The following IQCH variants were observed in gnomAD, a reference collection of about 807,000 sequenced individuals.
IQCH encodes the protein IQ domain-containing protein H.
Under a neutral mutation model 117.0 loss-of-function variants are expected in IQCH, and 98 were observed. The observed-to-expected ratio is 0.84, with a 90% CI of 0.71 to 0.99. The LOEUF (loss-of-function observed/expected upper bound fraction) is 0.99. IQCH is among the 50% of genes least tolerant of loss of function. IQCH has a pLI of 0.00. For missense variants in IQCH, 1,102 were observed against 1,243.8 expected, an observed-to-expected ratio of 0.89 and a Z score of 1.72; for synonymous variants, 412 against 448.2, an observed-to-expected ratio of 0.92 and a Z score of 1.02.
rs1217288300 is a variant in IQCH at position 67,364,867 on chromosome 15, T to C, written c.753+4982T>C. On this transcript the variant is annotated intron_variant, in intron 8 of 20. Coordinates refer to ENST00000335894, the MANE Select transcript of IQCH (RefSeq NM_001031715.3). This position sits in a 1 kb window ranked among gnomAD's most constrained non-coding sequence, Gnocchi z 4.1. ...ATTTTTAGTGGCTTTATAATATCTT[T>C]ATTAAAGATATACCATAATTTTCAT... is the stretch of plus-strand genomic sequence containing the variant. Among the ~76,000 whole-genome samples the C allele has an allele frequency of 1.3e-5, 2 of 152,242 alleles. No homozygotes were observed. The highest frequency in any genetic ancestry group is 2.9e-5 in the Non-Finnish European group (2 of 68,042).
At chr15:67,446,703 G>A (rs933520937) in intron 16 of IQCH, among the ~76,000 whole-genome samples, 4 of 151,870 alleles carry the variant, frequency 2.6e-5, no homozygotes, top group African/African-American at 9.7e-5. Context: ...CTCCACCCAC[G>A]TTTCTGGAAA....
Position 67,357,364 on chromosome 15 carries a change from G to T in IQCH, c.657G>T (p.Arg219=). The stretch of plus-strand genomic sequence containing the variant: ...CCACAGCCACTTTCACTATACCTCG[G>T]GAACCACCTCCATCTCCAGCAGAAG... ...IPTVATFTIP[R]EPPPSPAEVK... is the part of the protein sequence containing the mutation. Residue 219 remains arginine, a synonymous_variant, in exon 7 of 21, where the codon CGG becomes CGT. Coordinates refer to ENST00000335894, the MANE Select transcript of IQCH (RefSeq NM_001031715.3). The T allele has an allele frequency of 6.2e-7, 1 of 1,610,406 alleles. No individual in the cohort carries two copies. The highest frequency in any genetic ancestry group is 1.1e-5 in the South Asian group (1 of 91,006).
At chr15:67,379,962 C>T (rs1297791943) in intron 10 of IQCH, among the ~76,000 whole-genome samples, 2 of 152,156 alleles carry the variant, frequency 1.3e-5, no homozygotes, top group Non-Finnish European at 2.9e-5. Context: ...AAGCAATTCT[C>T]CTGCCTCAGC....
chr15:67,400,932 T>C (rs150955094), intron 14 of IQCH, among the ~76,000 whole-genome samples: 17 of 152,320 alleles, frequency 1.1e-4, no homozygotes, highest in African/African-American at 4.1e-4. Context: ...AAGTGGTTCT[T>C]GATCATGTGC....
chr15:67,265,271 C>T (rs1317665886), intron 3 of IQCH, among the ~76,000 whole-genome samples: 2 of 152,244 alleles, frequency 1.3e-5, no homozygotes, highest in Non-Finnish European at 2.9e-5. Context: ...TTACACAGTT[C>T]TCTTTTGCCA....
At chr15:67,397,708 T>C (rs1481016200) in intron 13 of IQCH, among the ~76,000 whole-genome samples, 1 of 152,228 alleles carries the variant, frequency 6.6e-6, no homozygotes, top group Non-Finnish European at 1.5e-5. Context: ...GCAGTATTTT[T>C]CTGCTCTTTA....
intron 15 of IQCH, among the ~76,000 whole-genome samples, chr15:67,418,309 A>T (rs895952669): frequency 2.0e-5 from 3 of 152,222 alleles, no homozygotes; most frequent in Non-Finnish European, 4.4e-5. Flanking sequence ...CCTGATAATG[A>T]ATTATTTAAG....
intron 2 of IQCH, among the ~76,000 whole-genome samples, chr15:67,262,128 C>G (rs192713335): frequency 6.6e-6 from 1 of 152,192 alleles, no homozygotes. Flanking sequence ...TTGACTTTCC[C>G]CTAATAGCCT....
chr15:67,480,403 T>C (rs550103243), intron 18 of IQCH, among the ~76,000 whole-genome samples: 1 of 152,152 alleles, frequency 6.6e-6, no homozygotes, highest in Non-Finnish European at 1.5e-5. Flanking sequence ...TTAGAAATCA[T>C]GGAAACACAT....
At chr15:67,448,768 G>T (rs2082450177) in intron 16 of IQCH, among the ~76,000 whole-genome samples, 1 of 152,090 alleles carries the variant, frequency 6.6e-6, no homozygotes, top group South Asian at 2.1e-4. Context: ...GGGTCAAATG[G>T]TATTTCTAGT....
chr15:67,272,616 C>T lies in IQCH; in HGVS notation c.270-6779C>T, dbSNP rs185849648. On this transcript the variant is annotated intron_variant, in intron 3 of 20. Coordinates refer to ENST00000335894, the MANE Select transcript of IQCH (RefSeq NM_001031715.3). ...TATATACTTGGGTGCTCCAATGTTG[C>T]GTGCATAGACACTTACACTTGTTCT... is the stretch of plus-strand genomic sequence containing the variant. 1.6e-4 allele frequency among the ~76,000 whole-genome samples: 24 copies of T among 152,282 alleles called. No individual in the cohort carries two copies. The East Asian group carries it at 3.3e-3, about 21-fold the overall frequency.
In IQCH at chr15:67,427,728, T is replaced by C. The variant is rs2081925740; in HGVS notation, c.2505+6151T>C. Among the ~76,000 whole-genome samples the C allele has an allele frequency of 6.6e-6, 1 of 152,168 alleles. No individual in the cohort carries two copies. The highest frequency in any genetic ancestry group is 2.4e-5 in the African/African-American group (1 of 41,442). On this transcript the variant is annotated intron_variant, in intron 16 of 20. Transcript: ENST00000335894. The surrounding 1 kb of genome is among the most constrained non-coding windows in gnomAD (Gnocchi z 4.7). ...TAATAATCATCCACTTTAAAAAAAT[T>C]ATCACCAGGAAATAATCACAAAGAT...
At chr15:67,270,059 A>G (rs1965839927) in intron 3 of IQCH, among the ~76,000 whole-genome samples, 1 of 152,190 alleles carries the variant, frequency 6.6e-6, no homozygotes, top group Non-Finnish European at 1.5e-5. Flanking sequence ...AGGCACCTCC[A>G]TACTGTTTTC....
chr15:67,417,044 C>CA lies in IQCH; in HGVS notation c.2212dup (p.Ser738LysfsTer42), dbSNP rs757651140. 6.2e-7 allele frequency: 1 copy of CA among 1,607,418 alleles called. No individual in the cohort carries two copies. ...GGAGGAAATTCCTCCAAACATTTCT[C>CA]AGTCAAGGTAAATAAGACTGTAAAG... is the stretch of plus-strand genomic sequence containing the variant. On this transcript the variant is annotated frameshift_variant, in exon 15 of 21. Coordinates refer to ENST00000335894, the MANE Select transcript of IQCH (RefSeq NM_001031715.3). LOFTEE classifies it high-confidence loss of function. The surrounding 1 kb of genome is among the most constrained non-coding windows in gnomAD (Gnocchi z 4.3).
chr15:67,437,170 C>G (rs986766057), intron 16 of IQCH, among the ~76,000 whole-genome samples: 6 of 152,200 alleles, frequency 3.9e-5, no homozygotes, highest in African/African-American at 1.4e-4. Context: ...CCACCTCCAT[C>G]AGAACAGGCA....
chr15:67,323,238 CAT>C (rs1491524980), intron 4 of IQCH, among the ~76,000 whole-genome samples: 5 of 114,940 alleles, frequency 4.4e-5, no homozygotes, highest in Non-Finnish European at 6.9e-5. Context: ...CTTAGGGTTA[CAT>C]TTTTTTTTTT....
Position 67,479,125 on chromosome 15 carries a change from A to T in IQCH, c.2799+3307A>T, listed in dbSNP as rs1240049676. On this transcript the variant is annotated intron_variant, in intron 18 of 20. Transcript: ENST00000335894. The surrounding 1 kb of genome is among the most constrained non-coding windows in gnomAD (Gnocchi z 4.6). ...TGCTGTCTTAATTGCCTTTTCTTGGATGGGAGGTTGGTAAGTGGTGAACCA... is the reference window on the plus strand; with the variant it reads ...TGCTGTCTTAATTGCCTTTTCTTGGTTGGGAGGTTGGTAAGTGGTGAACCA... Among the ~76,000 whole-genome samples, 2 of 151,964 alleles carry T rather than the reference A, an allele frequency of 1.3e-5. No homozygotes were observed. The highest frequency in any genetic ancestry group is 2.4e-5 in the African/African-American group (1 of 41,340).
At chr15:67,348,211 C>T (rs1315792905) in intron 6 of IQCH, among the ~76,000 whole-genome samples, 2 of 152,154 alleles carry the variant, frequency 1.3e-5, no homozygotes, top group Non-Finnish European at 2.9e-5. Context: ...TGTGCACTCT[C>T]ACCACTTCTA....
Position 67,421,332 on chromosome 15 carries a change from A to C in IQCH, c.2260A>C (p.Asn754His), listed in dbSNP as rs367833219. 87 of 1,614,060 alleles carry C rather than the reference A, an allele frequency of 5.4e-5. No individual in the cohort carries two copies. Among genetic ancestry groups the C allele is most frequent in the Non-Finnish European group, 7.2e-5 (85 of 1,180,028 alleles). ...ATTCCCACCTGCAGACAATGTCACC[A>C]ACCTCACAGTGGACATGCTGATAGA... ...EAFPPADNVTNLTVDMLIEPN... is the reference protein window; with the variant it reads ...EAFPPADNVTHLTVDMLIEPN... The change falls in exon 16 of 21, where the codon AAC becomes CAC. Residue 754 changes from asparagine (N) to histidine (H), a missense_variant. Transcript: ENST00000335894.
Sources: gnomAD v4.1 joint callset for allele counts (sites outside exome capture counted in the v4.1 genomes callset) on GRCh38, gnomAD v4.1.1 for gene constraint, Gnocchi (gnomAD v3.1) non-coding constraint, MANE v1.5 for transcripts, NCBI Gene and HGNC (gene_info 2026-07-23, HGNC 2026-07-21) for gene names.